The following TWIST2 variants were observed in gnomAD, a reference collection of about 807,000 sequenced individuals.
TWIST2 encodes the protein twist family bHLH transcription factor 2, also known as twist-related protein 2.
A neutral mutation model predicts 11.6 loss-of-function variants in TWIST2; 1 was observed. That is an observed-to-expected ratio of 0.09 (90% CI 0.03 to 0.41). The LOEUF (loss-of-function observed/expected upper bound fraction) is 0.41, where lower values mean the gene tolerates loss of function less well. Ranked by LOEUF, TWIST2 falls within the 10% of genes least tolerant of loss-of-function variation. TWIST2 has a pLI of 0.98. For synonymous variants in TWIST2, 87 were observed against 96.6 expected (o/e 0.90, Z 0.58); for missense variants, 168 against 226.4 (o/e 0.74, Z 1.66).
intron 1 of TWIST2, among the ~76,000 whole-genome samples, chr2:238,895,724 C>G (rs1372137465): frequency 6.6e-6 from 1 of 152,146 alleles, no homozygotes; most frequent in Non-Finnish European, 1.5e-5. Context: ...TCAGACTCTG[C>G]GGCCTCAGCC....
intron 1 of TWIST2, among the ~76,000 whole-genome samples, chr2:238,889,448 T>C (rs891327513): frequency 5.3e-5 from 8 of 152,180 alleles, no homozygotes; most frequent in African/African-American, 1.9e-4. Context: ...AATATGTGTA[T>C]ACCAGATATA....
In TWIST2 at chr2:238,903,007, GAGGTGTGTGTGATGT is replaced by G. The variant is rs1341386345; in HGVS notation, c.*36-6834_*36-6820del. On this transcript the variant is annotated intron_variant, in intron 1 of 1. Coordinates refer to ENST00000612363, the MANE Select transcript of TWIST2 (RefSeq NM_001271893.4). Reference sequence around the variant, plus strand: ...TGTGTGATGGGTATGTGCGTGATGTGAGGTGTGTGTGATGTGGGTGTGTGTGATGTGTGAGGTGTG... The same window carrying G: ...TGTGTGATGGGTATGTGCGTGATGTGGGGTGTGTGTGATGTGTGAGGTGTG... 5.3e-4 allele frequency among the ~76,000 whole-genome samples: 4 copies of G among 7,526 alleles called. 1 individual carries two copies. The highest frequency in any genetic ancestry group is 2.4e-3 in the African/African-American group (4 of 1,694). 4.9% of individuals were successfully genotyped at this position (7,526 alleles called of 152,430 possible).
chr2:238,875,119 C>A (rs1040369568), intron 1 of TWIST2, among the ~76,000 whole-genome samples: 2 of 152,098 alleles, frequency 1.3e-5, no homozygotes, highest in Admixed American at 1.3e-4. Flanking sequence ...ATACGAAATA[C>A]ATTCATTCAT....
In TWIST2 at chr2:238,848,119, C is replaced by G; in HGVS notation, c.-97C>G. ...GGCCTTGAAATCAGAGCCTTTCCAG[C>G]AACTCCGAGAGCGTGTGCTCGGCGA... On this transcript the variant is annotated 5_prime_UTR_variant, in exon 1 of 2. Coordinates refer to ENST00000612363, the MANE Select transcript of TWIST2 (RefSeq NM_001271893.4). 2.0e-6 allele frequency: 2 copies of G among 1,001,532 alleles called. No individual in the cohort carries two copies. The highest frequency in any genetic ancestry group is 2.5e-6 in the Non-Finnish European group (2 of 805,538). 62.0% of individuals were successfully genotyped at this position (1,001,532 alleles called of 1,614,324 possible). A position where few individuals can be genotyped will look rare whatever the true frequency, so the allele number is the denominator to read the frequency against.
chr2:238,907,131 G>T (rs1693366178), intron 1 of TWIST2, among the ~76,000 whole-genome samples: 1 of 152,214 alleles, frequency 6.6e-6, no homozygotes, highest in Non-Finnish European at 1.5e-5. Context: ...AGGCTGGCCT[G>T]GGTGTGTGGC....
chr2:238,889,498 TC>T (rs1693095786), intron 1 of TWIST2, among the ~76,000 whole-genome samples: 1 of 152,234 alleles, frequency 6.6e-6, no homozygotes, highest in South Asian at 2.1e-4. Context: ...AGCCTGCTCT[TC>T]CAGAGCCCAA....
rs914284825 is a variant in TWIST2 at position 238,910,015 on chromosome 2, C to T, written c.*209C>T. The T allele has an allele frequency of 6.6e-6, 1 of 152,084 alleles. No individual in the cohort carries two copies. The highest frequency in any genetic ancestry group is 1.5e-5 in the Non-Finnish European group (1 of 68,020). 9.4% of individuals were successfully genotyped at this position (152,084 alleles called of 1,614,324 possible). On this transcript the variant is annotated 3_prime_UTR_variant, in exon 2 of 2. Coordinates refer to ENST00000612363, the MANE Select transcript of TWIST2 (RefSeq NM_001271893.4). Reference sequence around the variant, plus strand: ...GCTCCCGTCCTCCCCCAGGACGGTCCCCACATAGGAAGGGCACTCCCAGCC... The same window carrying T: ...GCTCCCGTCCTCCCCCAGGACGGTCTCCACATAGGAAGGGCACTCCCAGCC...
chr2:238,873,448 G>C lies in TWIST2; in HGVS notation c.*35+24715G>C, dbSNP rs148615361. ...TGAATGGAGTGAGGGGTCCTGCCCA[G>C]GTTGAGGATTAGGTGCGCAGAGCCT... On this transcript the variant is annotated intron_variant, in intron 1 of 1. Coordinates refer to ENST00000612363, the MANE Select transcript of TWIST2 (RefSeq NM_001271893.4). Among the ~76,000 whole-genome samples, 86 of 152,316 alleles carry C rather than the reference G, an allele frequency of 5.6e-4. 1 individual carries two copies. Among genetic ancestry groups the C allele is most frequent in the African/African-American group, 2.0e-3 (85 of 41,566 alleles).
intron 1 of TWIST2, among the ~76,000 whole-genome samples, chr2:238,903,636 T>C (rs1378024150): frequency 5.5e-5 from 1 of 18,118 alleles, no homozygotes; most frequent in African/African-American, 3.2e-4. Context: ...GAGGTGTGTG[T>C]GTGATGTGTG....
At chr2:238,897,179 G>A (rs1420418392) in intron 1 of TWIST2, among the ~76,000 whole-genome samples, 22 of 152,152 alleles carry the variant, frequency 1.4e-4, no homozygotes, top group Non-Finnish European at 7.3e-5. Flanking sequence ...CGCTGTCAGG[G>A]ACGGTATCCC....
chr2:238,862,508 G>T (rs529103892), intron 1 of TWIST2, among the ~76,000 whole-genome samples: 40 of 152,224 alleles, frequency 2.6e-4, no homozygotes, highest in African/African-American at 9.1e-4. Context: ...AAAACAGAAG[G>T]ATATTATTTT....
intron 1 of TWIST2, among the ~76,000 whole-genome samples, chr2:238,878,195 A>AC (rs1200117904): frequency 6.6e-6 from 1 of 151,532 alleles, no homozygotes; most frequent in Admixed American, 6.6e-5. Flanking sequence ...CCCCCACTGT[A>AC]CCCCTCCCTG....
chr2:238,908,726 G>T (rs939306559), intron 1 of TWIST2, among the ~76,000 whole-genome samples: 98 of 123,266 alleles, frequency 8.0e-4, no homozygotes, highest in African/African-American at 2.6e-3. Context: ...CAGTGTGTGT[G>T]TGGGTATGTG....
intron 1 of TWIST2, among the ~76,000 whole-genome samples, chr2:238,852,520 C>T (rs1353781361): frequency 1.3e-5 from 2 of 152,132 alleles, no homozygotes; most frequent in East Asian, 1.9e-4. Flanking sequence ...AAAGGAGAAA[C>T]AGAATCTAAG....
chr2:238,866,642 G>C lies in TWIST2; in HGVS notation c.*35+17909G>C, dbSNP rs1365128249. 6.6e-6 allele frequency among the ~76,000 whole-genome samples: 1 copy of C among 152,064 alleles called. No individual in the cohort carries two copies. Among genetic ancestry groups the C allele is most frequent in the African/African-American group, 2.4e-5 (1 of 41,412 alleles). ...ACTGTACTCCAGCCTGGGTGACAGA[G>C]CGAGACTCCACCATGGAAAAAAAAA... On this transcript the variant is annotated intron_variant, in intron 1 of 1. Coordinates refer to ENST00000612363, the MANE Select transcript of TWIST2 (RefSeq NM_001271893.4). The surrounding 1 kb of genome is among the most constrained non-coding windows in gnomAD (Gnocchi z 4.9).
chr2:238,896,869 C>T (rs1693213419), intron 1 of TWIST2, among the ~76,000 whole-genome samples: 1 of 152,184 alleles, frequency 6.6e-6, no homozygotes, highest in Non-Finnish European at 1.5e-5. Context: ...CAGAAGCTTC[C>T]ACCCGGAGCC....
chr2:238,895,079 A>C (rs1256149661), intron 1 of TWIST2, among the ~76,000 whole-genome samples: 3 of 152,184 alleles, frequency 2.0e-5, no homozygotes, highest in African/African-American at 7.2e-5. Context: ...CCTTCTGTCC[A>C]TATTTTCGTT....
rs937181918 is a variant in TWIST2, at chr2:238,867,170, G to C, written c.*35+18437G>C. 1.3e-5 allele frequency among the ~76,000 whole-genome samples: 2 copies of C among 152,078 alleles called. No homozygotes were observed. Among genetic ancestry groups the C allele is most frequent in the African/African-American group, 4.8e-5 (2 of 41,396 alleles). ...GAAGCCAGCAGCTGGAGGGAAGGAGGCTGGCTGTAACATTGGAGGGGCCAC... is the reference window on the plus strand; with the variant it reads ...GAAGCCAGCAGCTGGAGGGAAGGAGCCTGGCTGTAACATTGGAGGGGCCAC... On this transcript the variant is annotated intron_variant, in intron 1 of 1. Transcript: ENST00000612363. This position sits in a 1 kb window ranked among gnomAD's most constrained non-coding sequence, Gnocchi z 4.8.
intron 1 of TWIST2, among the ~76,000 whole-genome samples, chr2:238,896,999 C>G (rs1693214937): frequency 6.6e-6 from 1 of 152,104 alleles, no homozygotes; most frequent in Admixed American, 6.6e-5. Flanking sequence ...CCTGGCAGAG[C>G]CATTCAGGGG....
Sources: allele counts gnomAD v4.1 joint callset (sites outside exome capture counted in the v4.1 genomes callset), GRCh38; gene constraint gnomAD v4.1.1; non-coding constraint Gnocchi (gnomAD v3.1); transcripts MANE v1.5; gene names NCBI Gene and HGNC (gene_info 2026-07-23, HGNC 2026-07-21).